The following FRYL variants were observed in gnomAD, a reference collection of about 807,000 sequenced individuals.
FRYL encodes FRY like transcription coactivator, also known as protein furry homolog-like.
Under a neutral mutation model 351.2 loss-of-function variants are expected in FRYL, and 150 were observed. The ratio of observed to expected loss-of-function variants is 0.43; its 90% CI spans 0.37 to 0.49. The LOEUF (loss-of-function observed/expected upper bound fraction) is 0.49, where lower values mean the gene tolerates loss of function less well. FRYL is among the 20% of genes least tolerant of loss of function. FRYL has a pLI of 0.00. For synonymous variants in FRYL, 1,153 were observed against 1,257.1 expected (o/e 0.92, Z 1.75); for missense variants, 3,036 against 3,619.3 (o/e 0.84, Z 4.13).
intron 1 of FRYL, among the ~76,000 whole-genome samples, chr4:48,724,576 G>GC (rs977201155): frequency 6.6e-6 from 1 of 152,200 alleles, no homozygotes; most frequent in African/African-American, 2.4e-5. Flanking sequence ...GGAGTTGGGT[G>GC]CGGGGGGGCT....
In FRYL at chr4:48,600,996, G is replaced by A. The variant is rs531209251; in HGVS notation, c.1035+1024C>T. 3.9e-5 allele frequency among the ~76,000 whole-genome samples: 6 copies of A among 152,120 alleles called. No individual in the cohort carries two copies. In the South Asian group the frequency reaches 6.2e-4, roughly 16 times the overall value. On this transcript the variant is annotated intron_variant, in intron 13 of 63. Transcript: ENST00000358350. ...CATTTCTCAAAGTAGTATATATTCCGTATACCTAAGAAACTGAGGCAGTTT... is the reference window on the plus strand; with the variant it reads ...CATTTCTCAAAGTAGTATATATTCCATATACCTAAGAAACTGAGGCAGTTT...
At position 48,623,144 on chromosome 4, in the gene FRYL, T is replaced by C. The variant is rs765787462; in HGVS notation, c.156A>G (p.Glu52=). Reference sequence around the variant, plus strand: ...GTCATACCTGATCAAACTGAAGATCTTCACCCCTCTGAAGAGATCTGGACA... The same window carrying C: ...GTCATACCTGATCAAACTGAAGATCCTCACCCCTCTGAAGAGATCTGGACA... ...KLLSRSLQRG[E]DLQFDQLISS... The change falls in exon 5 of 64, where the codon GAA becomes GAG. Residue 52 remains glutamate, a synonymous_variant. Transcript: ENST00000358350. The C allele has an allele frequency of 3.2e-6, 5 of 1,579,970 alleles. No homozygotes were observed. The highest frequency in any genetic ancestry group is 4.3e-6 in the Non-Finnish European group (5 of 1,163,962).
Position 48,500,105 on chromosome 4 carries a change from G to C in FRYL, c.8708C>G (p.Thr2903Ser). Reference protein sequence around the residue: ...ISKAAQTTIETAIHSLIETLK... With the variant: ...ISKAAQTTIESAIHSLIETLK... ...AGTTTCAATTAAAGAATGAATGGCA[G>C]TTTCTATAGTAGTTTGTGCAGCTTT... Residue 2903 changes from threonine (T) to serine (S), a missense_variant, in exon 63 of 64, where the codon ACT becomes AGT. By Grantham distance (58) the Thr-to-Ser change is moderately conservative. Transcript: ENST00000358350. The C allele has an allele frequency of 6.3e-7, 1 of 1,598,668 alleles. No individual in the cohort carries two copies. Among genetic ancestry groups the C allele is most frequent in the Non-Finnish European group, 8.5e-7 (1 of 1,173,860 alleles).
At chr4:48,689,792 T>C (rs1765509304) in intron 2 of FRYL, among the ~76,000 whole-genome samples, 1 of 152,146 alleles carries the variant, frequency 6.6e-6, no homozygotes. Flanking sequence ...TGAGCCCTCC[T>C]AATCCAACCA....
At chr4:48,591,299 C>T (rs1743191359) in intron 16 of FRYL, among the ~76,000 whole-genome samples, 1 of 152,174 alleles carries the variant, frequency 6.6e-6, no homozygotes, top group South Asian at 2.1e-4. Context: ...GTTGGAATCC[C>T]ATCTGTTCTT....
intron 55 of FRYL, among the ~76,000 whole-genome samples, chr4:48,516,442 A>G (rs1723623658): frequency 1.3e-5 from 2 of 152,222 alleles, no homozygotes; most frequent in East Asian, 1.9e-4. Context: ...TATTGGTTTA[A>G]TCAATTTGAA....
chr4:48,578,306 T>C (rs1184826236), intron 23 of FRYL, among the ~76,000 whole-genome samples: 1 of 152,120 alleles, frequency 6.6e-6, no homozygotes, highest in Non-Finnish European at 1.5e-5. Flanking sequence ...TGGGTTTACA[T>C]GGGCAAGTTA....
Position 48,759,041 on chromosome 4 carries a change from G to A in FRYL, c.-384+21037C>T, listed in dbSNP as rs371815407. On this transcript the variant is annotated intron_variant, in intron 1 of 63. Transcript: ENST00000358350. ...GTGGGAATTGAAGAATGAGAACACC[G>A]GGACACACGGTGGGGAACATCACAC... Among the ~76,000 whole-genome samples, 122 of 152,184 alleles carry A rather than the reference G, an allele frequency of 8.0e-4. 2 individuals carry two copies. The highest frequency in any genetic ancestry group is 1.5e-3 in the South Asian group (7 of 4,816).
chr4:48,648,892 T>C (rs998306167), intron 3 of FRYL, among the ~76,000 whole-genome samples: 1 of 152,162 alleles, frequency 6.6e-6, no homozygotes, highest in Non-Finnish European at 1.5e-5. Context: ...TGCAATTAGA[T>C]ACTGGTGATA....
intron 62 of FRYL, among the ~76,000 whole-genome samples, chr4:48,501,070 A>G (rs1402153195): frequency 7.1e-6 from 1 of 141,342 alleles, no homozygotes; most frequent in Admixed American, 7.2e-5. Flanking sequence ...TGGGCAAAAG[A>G]AGGAGACTCT....
At chr4:48,709,897 C>T (rs1162798435) in intron 2 of FRYL, among the ~76,000 whole-genome samples, 1 of 152,298 alleles carries the variant, frequency 6.6e-6, no homozygotes, top group East Asian at 1.9e-4. Context: ...CATTCTTAAA[C>T]AGTAGGCATT....
intron 3 of FRYL, among the ~76,000 whole-genome samples, chr4:48,663,774 C>CAAAAAAAAAAAA (rs71191251): frequency 2.9e-5 from 2 of 70,106 alleles, no homozygotes; most frequent in Non-Finnish European, 2.7e-5. Context: ...GACTCCGTCT[C>CAAAAAAAAAAAA]AAAAAAAAAA....
rs765978838 is a variant in FRYL at position 48,543,893 on chromosome 4, G to T, written c.5506C>A (p.Leu1836Ile). 1.9e-6 allele frequency: 3 copies of T among 1,613,884 alleles called. No homozygotes were observed. Among genetic ancestry groups the T allele is most frequent in the Admixed American group, 1.7e-5 (1 of 60,000 alleles). ...AGRSFQIFRALKQPLTATTLS... is the reference protein window; with the variant it reads ...AGRSFQIFRAIKQPLTATTLS... ...GTAGTTGCAGTGAGAGGCTGCTTTAGGGCCCTGAAAATCTGAAAGGATCTC... is the reference window on the plus strand; with the variant it reads ...GTAGTTGCAGTGAGAGGCTGCTTTATGGCCCTGAAAATCTGAAAGGATCTC... Residue 1836 changes from leucine (L) to isoleucine (I), a missense_variant, in exon 44 of 64, where the codon CTA (leucine) becomes ATA (isoleucine). Around this residue, in one of 7 missense-constraint regions of FRYL, gnomAD observed 1,987 missense variants for 2,311.7 expected, o/e 0.86. Coordinates refer to ENST00000358350, the MANE Select transcript of FRYL (RefSeq NM_015030.2).
intron 2 of FRYL, among the ~76,000 whole-genome samples, chr4:48,698,005 G>T (rs1766363280): frequency 6.6e-6 from 1 of 152,136 alleles, no homozygotes; most frequent in Non-Finnish European, 1.5e-5. Context: ...ACATTTACTG[G>T]GGATCAACCT....
chr4:48,639,379 C>A (rs1754889869), intron 3 of FRYL, among the ~76,000 whole-genome samples: 1 of 151,834 alleles, frequency 6.6e-6, no homozygotes, highest in Admixed American at 6.6e-5. Flanking sequence ...CAGAAATAGA[C>A]CCACACAAAT....
At chr4:48,564,886 T>C (rs755144412) in intron 30 of FRYL, 47 bp downstream of exon 30, 5 of 1,064,358 alleles carry the variant, frequency 4.7e-6, no homozygotes, top group South Asian at 1.4e-5. Context: ...CTGCAAATAA[T>C]ACAATGACAA....
Position 48,498,559 on chromosome 4 carries a change from TCATAA to T in FRYL, c.*858_*862del, listed in dbSNP as rs1560487922. Reference sequence around the variant, plus strand: ...ATCTACTTTGGTTAGTTATCAACAATCATAACATAAGCACTGATCAGAGAACTGAG... The same window carrying T: ...ATCTACTTTGGTTAGTTATCAACAATCATAAGCACTGATCAGAGAACTGAG... On this transcript the variant is annotated 3_prime_UTR_variant, in exon 64 of 64. Coordinates refer to ENST00000358350, the MANE Select transcript of FRYL (RefSeq NM_015030.2). 3 of 152,648 alleles carry T rather than the reference TCATAA, an allele frequency of 2.0e-5. No individual in the cohort carries two copies. Among genetic ancestry groups the T allele is most frequent in the African/African-American group, 7.2e-5 (3 of 41,456 alleles). 9.5% of individuals were successfully genotyped at this position (152,648 alleles called of 1,614,324 possible).
In FRYL at chr4:48,576,179, C is replaced by G; in HGVS notation, c.2572G>C (p.Asp858His). Residue 858 changes from aspartate to histidine, a missense_variant, in exon 24 of 64, where the codon GAC becomes CAC. By Grantham distance (81) the Asp-to-His change is moderately conservative. Around this residue, in one of 7 missense-constraint regions of FRYL, gnomAD observed 492 missense variants for 551.5 expected, o/e 0.89. Transcript: ENST00000358350. ...AKKVNTTTSS[D>H]SYIGLWRNYL... ...TTTCTCCACAGGCCAATGTATGAGTCACTGCTTGTGGTGGTATTTACTTTC... is the reference window on the plus strand; with the variant it reads ...TTTCTCCACAGGCCAATGTATGAGTGACTGCTTGTGGTGGTATTTACTTTC... 6.2e-7 allele frequency: 1 copy of G among 1,612,370 alleles called. No homozygotes were observed. The highest frequency in any genetic ancestry group is 8.5e-7 in the Non-Finnish European group (1 of 1,179,380).
chr4:48,505,666 T>C (rs1720744952), intron 59 of FRYL, 51 bp from the exon 60 acceptor site: 5 of 1,140,598 alleles, frequency 4.4e-6, no homozygotes, highest in Non-Finnish European at 6.5e-6. Context: ...ATGGGTAGTG[T>C]AACAGCCTGT....
Sources: allele counts gnomAD v4.1 joint callset (sites outside exome capture counted in the v4.1 genomes callset), GRCh38; gene constraint gnomAD v4.1.1; regional missense constraint gnomAD v4.1.1; transcripts MANE v1.5; gene names NCBI Gene and HGNC (gene_info 2026-07-23, HGNC 2026-07-21).